ELOVL5: variants seen among roughly 807,000 people sequenced by gnomAD.
ELOVL5 encodes very long chain fatty acid elongase 5.
In ELOVL5, 8 loss-of-function variants were observed where a neutral mutation model predicts 38.6. The observed-to-expected ratio is 0.21, with a 90% CI of 0.12 to 0.37. ELOVL5 has a LOEUF of 0.37. ELOVL5 is among the 10% of genes least tolerant of loss of function. The pLI is 1.00. For missense variants in ELOVL5, 280 were observed against 367.8 expected (o/e 0.76, Z 1.95); for synonymous variants, 127 against 133.7 (o/e 0.95, Z 0.34).
chr6:53,320,752 G>A (rs1187817741), intron 1 of ELOVL5, among the ~76,000 whole-genome samples: 4 of 152,078 alleles, frequency 2.6e-5, no homozygotes, highest in African/African-American at 4.8e-5. Flanking sequence ...ATCATATATT[G>A]AATTGCAGGC....
intron 1 of ELOVL5, among the ~76,000 whole-genome samples, chr6:53,298,904 G>A (rs552129090): frequency 6.7e-6 from 1 of 149,642 alleles, no homozygotes; most frequent in Admixed American, 6.7e-5. Flanking sequence ...GCAAGGCGGG[G>A]GGGGGGAGTT....
chr6:53,298,906 G>GT (rs956116928), intron 1 of ELOVL5, among the ~76,000 whole-genome samples: 4 of 149,236 alleles, frequency 2.7e-5, no homozygotes, highest in African/African-American at 5.0e-5. Context: ...AAGGCGGGGG[G>GT]GGGGAGTTGA....
intron 3 of ELOVL5, among the ~76,000 whole-genome samples, chr6:53,287,409 A>G (rs1766613953): frequency 6.6e-6 from 1 of 152,204 alleles, no homozygotes; most frequent in South Asian, 2.1e-4. Flanking sequence ...GGGATGAAGA[A>G]GGTGGGGAAA....
At chr6:53,336,855 G>A (rs892680677) in intron 1 of ELOVL5, 5 of 152,116 alleles carry the variant, frequency 3.3e-5, no homozygotes, top group Non-Finnish European at 7.3e-5. Context: ...AGGGCAGCTG[G>A]GATGTCTAGC....
intron 1 of ELOVL5, among the ~76,000 whole-genome samples, chr6:53,299,696 G>A (rs530166082): frequency 1.4e-4 from 21 of 152,324 alleles, no homozygotes; most frequent in African/African-American, 3.6e-4. Context: ...AATAATCTGA[G>A]TCTAAACCAT....
At chr6:53,343,375 G>C (rs940540458) in intron 1 of ELOVL5, among the ~76,000 whole-genome samples, 2 of 152,016 alleles carry the variant, frequency 1.3e-5, no homozygotes, top group Non-Finnish European at 2.9e-5. Context: ...ACCACATCCA[G>C]CTAATTTTTG....
chr6:53,309,065 GCT>G (rs1005755891), intron 1 of ELOVL5, among the ~76,000 whole-genome samples: 2 of 152,074 alleles, frequency 1.3e-5, no homozygotes, highest in African/African-American at 4.8e-5. Flanking sequence ...TTACCGGTAA[GCT>G]CTTTTTTGGG....
chr6:53,295,835 T>A, intron 1 of ELOVL5, 128 bp from the exon 2 acceptor site: 1 of 545,142 alleles, frequency 1.8e-6, no homozygotes, highest in Non-Finnish European at 3.1e-6. Context: ...GTTCCTTAGG[T>A]TAAAAGAATT....
At chr6:53,289,200 A>G (rs1338145053) in intron 3 of ELOVL5, among the ~76,000 whole-genome samples, 2 of 152,256 alleles carry the variant, frequency 1.3e-5, no homozygotes, top group African/African-American at 4.8e-5. Flanking sequence ...TATTTAAAAA[A>G]TTCTTTACAG....
In ELOVL5 at chr6:53,348,894, C is replaced by G. The variant is rs564783951; in HGVS notation, c.-86G>C. The G allele has an allele frequency of 3.5e-5, 16 of 453,152 alleles. No individual in the cohort carries two copies. The highest frequency in any genetic ancestry group is 3.3e-4 in the Middle Eastern group (1 of 3,050). 28.1% of individuals were successfully genotyped at this position (453,152 alleles called of 1,614,324 possible). ...CGGAGGGAGCGCGGGTGGCAGCCGG[C>G]GCAGAGGCGGATGTAGAAGGAGACA... On this transcript the variant is annotated 5_prime_UTR_variant, in exon 1 of 8. Coordinates refer to ENST00000304434, the MANE Select transcript of ELOVL5 (RefSeq NM_021814.5).
At chr6:53,314,303 C>T (rs191636492) in intron 1 of ELOVL5, among the ~76,000 whole-genome samples, 2 of 152,212 alleles carry the variant, frequency 1.3e-5, no homozygotes, top group African/African-American at 2.4e-5. Flanking sequence ...TGTAACAAAA[C>T]GAAGGAAAGC....
intron 2 of ELOVL5, among the ~76,000 whole-genome samples, chr6:53,292,449 C>A (rs1766811834): frequency 6.6e-6 from 1 of 152,196 alleles, no homozygotes; most frequent in African/African-American, 2.4e-5. Context: ...AGAAAGGCAG[C>A]CTTTGCTATG....
chr6:53,270,785 C>A (rs1736381695), intron 6 of ELOVL5, 58 bp from the exon 7 acceptor site: 2 of 1,593,446 alleles, frequency 1.3e-6, no homozygotes, highest in South Asian at 2.2e-5. Flanking sequence ...AGGCCCCACA[C>A]CAGGCAGACT....
chr6:53,283,920 T>A, intron 3 of ELOVL5, among the ~76,000 whole-genome samples: 1 of 150,426 alleles, frequency 6.6e-6, no homozygotes, highest in African/African-American at 2.5e-5. Context: ...ACGAAAAAAA[T>A]TGAATCAAAA....
chr6:53,294,654 T>G (rs764759329), intron 2 of ELOVL5, among the ~76,000 whole-genome samples: 13 of 152,216 alleles, frequency 8.5e-5, no homozygotes, highest in Non-Finnish European at 1.6e-4. Flanking sequence ...ACAGCTAAAG[T>G]AAGGCACTAT....
chr6:53,292,367 G>A (rs961209938), intron 2 of ELOVL5, among the ~76,000 whole-genome samples: 1 of 152,206 alleles, frequency 6.6e-6, no homozygotes, highest in African/African-American at 2.4e-5. Context: ...TGTGTCAGTC[G>A]GCAAGTGTGG....
At chr6:53,287,751 C>T in intron 3 of ELOVL5, 1 of 902,286 alleles carries the variant, frequency 1.1e-6, no homozygotes, top group Non-Finnish European at 1.7e-6. Flanking sequence ...CTCAGCATAA[C>T]AGATCGGCTA....
At chr6:53,338,296 T>G (rs9349664) in intron 1 of ELOVL5, among the ~76,000 whole-genome samples, 12 of 152,044 alleles carry the variant, frequency 7.9e-5, no homozygotes, top group Non-Finnish European at 1.5e-4. Flanking sequence ...TACTGTCACT[T>G]GTCACATCCA....
At chr6:53,336,698 T>C (rs1236647646) in intron 1 of ELOVL5, among the ~76,000 whole-genome samples, 2 of 152,156 alleles carry the variant, frequency 1.3e-5, no homozygotes, top group East Asian at 1.9e-4. Context: ...TTTGAGTGCC[T>C]AGACATCAAA....
Sources: gnomAD v4.1 joint callset for allele counts (sites outside exome capture counted in the v4.1 genomes callset) on GRCh38, gnomAD v4.1.1 for gene constraint, MANE v1.5 for transcripts, NCBI Gene and HGNC (gene_info 2026-07-23, HGNC 2026-07-21) for gene names.